Variants in CLASP2 observed in about 807,000 individuals in gnomAD.
The protein encoded by CLASP2 is CLIP-associating protein 2.
Under a neutral mutation model 194.4 loss-of-function variants are expected in CLASP2, and 47 were observed. That is an observed-to-expected ratio of 0.24 (90% confidence interval 0.19 to 0.31). CLASP2 has a LOEUF of 0.31. Among genes scored for constraint, CLASP2 ranks in the 10% least tolerant of loss-of-function variants. The probability of loss-of-function intolerance (pLI) is 1.00; values close to 1 mark genes in which losing one functional copy is unlikely to be tolerated. For synonymous variants in CLASP2, 619 were observed against 633.5 expected (o/e 0.98, Z 0.34); for missense variants, 1,445 against 1,823.6 (o/e 0.79, Z 3.78).
At chr3:33,622,576 CATTT>C (rs1426437303) in intron 10 of CLASP2, among the ~76,000 whole-genome samples, 1 of 151,938 alleles carries the variant, frequency 6.6e-6, no homozygotes, top group East Asian at 1.9e-4. Flanking sequence ...TTTATTTATT[CATTT>C]GTCTTTTAGC....
At chr3:33,651,281 G>A (rs1395537306) in intron 7 of CLASP2, among the ~76,000 whole-genome samples, 2 of 151,660 alleles carry the variant, frequency 1.3e-5, no homozygotes, top group African/African-American at 4.9e-5. Context: ...TACTTGAGAG[G>A]CTGAGGCAGG....
chr3:33,545,548 C>T (rs1220851785), intron 30 of CLASP2, among the ~76,000 whole-genome samples: 1 of 152,124 alleles, frequency 6.6e-6, no homozygotes, highest in Admixed American at 6.5e-5. Context: ...CTATACAACA[C>T]AATCTTGGAA....
At chr3:33,665,102 CAA>C (rs201253172) in intron 6 of CLASP2, among the ~76,000 whole-genome samples, 8 of 113,952 alleles carry the variant, frequency 7.0e-5, no homozygotes, top group Admixed American at 9.1e-5. Context: ...GATTTTGTCT[CAA>C]AAAAAAAAAA....
At chr3:33,516,671 AAAATAAATAAAT>A (rs34773367) in intron 35 of CLASP2, among the ~76,000 whole-genome samples, 10 of 151,540 alleles carry the variant, frequency 6.6e-5, no homozygotes, top group African/African-American at 2.4e-4. Context: ...ATTATTCCTC[AAAATAAATAAAT>A]AAATAAATAA....
chr3:33,686,788 GCT>G (rs2090734421), intron 5 of CLASP2, among the ~76,000 whole-genome samples: 1 of 152,160 alleles, frequency 6.6e-6, no homozygotes, highest in South Asian at 2.1e-4. Context: ...GGGAATCGAA[GCT>G]CTTTGTTACT....
At chr3:33,611,693 T>C (rs2075214398) in intron 13 of CLASP2, among the ~76,000 whole-genome samples, 1 of 152,158 alleles carries the variant, frequency 6.6e-6, no homozygotes, top group African/African-American at 2.4e-5. Context: ...GGTAGAACAG[T>C]CAATGGCAGT....
intron 17 of CLASP2, among the ~76,000 whole-genome samples, chr3:33,603,849 T>C (rs1560263515): frequency 6.6e-6 from 1 of 152,068 alleles, no homozygotes; most frequent in Non-Finnish European, 1.5e-5. Context: ...TCAGGAGTTT[T>C]ATAAACTGTG....
intron 12 of CLASP2, among the ~76,000 whole-genome samples, chr3:33,619,273 CCTGT>C (rs755662831): frequency 5.9e-5 from 9 of 152,054 alleles, no homozygotes; most frequent in South Asian, 2.1e-4. Context: ...TAAAAATTTG[CCTGT>C]CTTTTATTAT....
chr3:33,545,866 T>C (rs950436754), intron 30 of CLASP2, among the ~76,000 whole-genome samples: 3 of 149,360 alleles, frequency 2.0e-5, no homozygotes, highest in South Asian at 2.1e-4. Context: ...GCAGAGATCA[T>C]GCCACTGCAC....
intron 6 of CLASP2, among the ~76,000 whole-genome samples, chr3:33,671,614 G>C (rs1439739886): frequency 6.6e-6 from 1 of 152,186 alleles, no homozygotes; most frequent in African/African-American, 2.4e-5. Flanking sequence ...ACAGCGCACC[G>C]TGCACGAGCC....
intron 6 of CLASP2, among the ~76,000 whole-genome samples, chr3:33,680,746 G>C (rs748183393): frequency 3.3e-5 from 5 of 152,114 alleles, no homozygotes; most frequent in Non-Finnish European, 7.4e-5. Context: ...AAGAGGTTGA[G>C]GCTGCAGTGA....
At chr3:33,691,807 G>A (rs1281141328) in intron 2 of CLASP2, among the ~76,000 whole-genome samples, 1 of 152,168 alleles carries the variant, frequency 6.6e-6, no homozygotes, top group African/African-American at 2.4e-5. Flanking sequence ...ATTTGATAGA[G>A]AAGGCACAGC....
chr3:33,682,744 G>A (rs1252479599), intron 6 of CLASP2, among the ~76,000 whole-genome samples: 8 of 152,062 alleles, frequency 5.3e-5, no homozygotes, highest in Admixed American at 2.0e-4. Flanking sequence ...CTTTTTAGTT[G>A]AACAGGTTTT....
chr3:33,570,074 G>A (rs1358396987), intron 26 of CLASP2, among the ~76,000 whole-genome samples: 3 of 152,084 alleles, frequency 2.0e-5, no homozygotes, highest in African/African-American at 7.2e-5. Context: ...CAAACATATT[G>A]CTGGAAACAG....
chr3:33,705,659 A>G (rs2092642836), intron 1 of CLASP2, among the ~76,000 whole-genome samples: 1 of 152,208 alleles, frequency 6.6e-6, no homozygotes, highest in African/African-American at 2.4e-5. Flanking sequence ...TTAAGAATAT[A>G]CTTAGGAATC....
Position 33,654,117 on chromosome 3 carries a change from C to A in CLASP2, c.716-9214G>T, listed in dbSNP as rs543115890. 3.3e-5 allele frequency among the ~76,000 whole-genome samples: 5 copies of A among 151,200 alleles called. No individual in the cohort carries two copies. The East Asian group carries it at 9.7e-4, about 29-fold the overall frequency. On this transcript the variant is annotated intron_variant, in intron 7 of 38. Coordinates refer to ENST00000682230, the MANE Select transcript of CLASP2 (RefSeq NM_001365631.1). ...AGCCACAACTTGTGATTCTCAGAAGCTAAAACAGCAGAGAATTTATCTACC... is the reference window on the plus strand; with the variant it reads ...AGCCACAACTTGTGATTCTCAGAAGATAAAACAGCAGAGAATTTATCTACC...
rs957492937 is a variant in CLASP2 at position 33,543,378 on chromosome 3, G to GA, written c.3404+54dup. On this transcript the variant is annotated intron_variant, in intron 32 of 38. Transcript: ENST00000682230. The stretch of plus-strand genomic sequence containing the variant: ...ACAGAGCAAGACTCTGTCTCAAAAA[G>GA]AAAGAATGGGAATTTACAAATACAA... 5 of 1,231,448 alleles carry GA rather than the reference G, an allele frequency of 4.1e-6. No homozygotes were observed. The African/African-American group carries it at 7.4e-5, about 18-fold the overall frequency. 76.3% of individuals were successfully genotyped at this position (1,231,448 alleles called of 1,614,324 possible).
At chr3:33,681,416 TA>T (rs2154343343) in intron 6 of CLASP2, among the ~76,000 whole-genome samples, 4 of 128,444 alleles carry the variant, frequency 3.1e-5, no homozygotes, top group Non-Finnish European at 3.4e-5. Flanking sequence ...AAACACATCA[TA>T]CTAGAACACA....
chr3:33,585,882 T>C (rs892887775), intron 21 of CLASP2, among the ~76,000 whole-genome samples: 12 of 152,228 alleles, frequency 7.9e-5, no homozygotes, highest in African/African-American at 2.7e-4. Context: ...CATTTTAAAA[T>C]AGTTTGCCTG....
Sources: allele counts gnomAD v4.1 joint callset (sites outside exome capture counted in the v4.1 genomes callset), GRCh38; gene constraint gnomAD v4.1.1; transcripts MANE v1.5; gene names NCBI Gene and HGNC (gene_info 2026-07-23, HGNC 2026-07-21).